Variants in RAB27A observed in about 807,000 individuals in gnomAD.
RAB27A encodes ras-related protein Rab-27A.
RAB27A carries 17 observed loss-of-function variants against 20.8 expected under a neutral mutation model. The ratio of observed to expected loss-of-function variants is 0.82; its 90% CI spans 0.56 to 1.23. The LOEUF (loss-of-function observed/expected upper bound fraction) is 1.23. Ranked by LOEUF, RAB27A falls within the 50% of genes most tolerant of loss-of-function variation. The pLI, the probability that RAB27A is intolerant of heterozygous loss-of-function variation, is 0.00. For synonymous variants in RAB27A, 85 were observed against 92.8 expected, an observed-to-expected ratio of 0.92 and a Z score of 0.48; for missense variants, 277 against 266.7, an observed-to-expected ratio of 1.04 and a Z score of -0.27.
rs954910250 is a variant in RAB27A at position 55,203,350 on chromosome 15, T to G, written c.*2157A>C. ...CTGATATGTAGCTGTAAAATTATGT[T>G]GTACTGCACTGAAGTCTTATGGCAA... On this transcript the variant is annotated 3_prime_UTR_variant, in exon 7 of 7. Transcript: ENST00000336787. The G allele has an allele frequency of 2.0e-5, 3 of 152,046 alleles. No homozygotes were observed. The highest frequency in any genetic ancestry group is 7.2e-5 in the African/African-American group (3 of 41,408). The allele number at this position is 152,046 out of a possible 1,614,324, so 9.4% of individuals were successfully genotyped here.
chr15:55,312,008 C>T (rs148910409), intron 2 of RAB27A, among the ~76,000 whole-genome samples: 4,673 of 152,266 alleles, frequency 0.031, 81 homozygotes, highest in Non-Finnish European at 0.041. Context: ...TTGGGCCATG[C>T]GGTGAGTGTT....
At chr15:55,319,105 C>G in exon 1 of RAB27A, 6 of 955,990 alleles carry the variant, frequency 6.3e-6, no homozygotes, top group Non-Finnish European at 9.0e-6. Flanking sequence ...AGGAGGCCAC[C>G]ACGTCGGGTG....
chr15:55,216,856 A>C, intron 6 of RAB27A, among the ~76,000 whole-genome samples: 1 of 152,168 alleles, frequency 6.6e-6, no homozygotes, highest in East Asian at 1.9e-4. Context: ...TCACTTTCCA[A>C]GCAATCTTCA....
chr15:55,278,000 TTG>T (rs1157738237), intron 1 of RAB27A, among the ~76,000 whole-genome samples: 4 of 152,262 alleles, frequency 2.6e-5, no homozygotes, highest in African/African-American at 9.6e-5. Flanking sequence ...GAGAAAATGT[TTG>T]TATAACTCTT....
At chr15:55,247,528 C>T (rs978781371) in intron 2 of RAB27A, among the ~76,000 whole-genome samples, 42 of 152,134 alleles carry the variant, frequency 2.8e-4, no homozygotes, top group Non-Finnish European at 1.2e-4. Flanking sequence ...AAGCTTTTGA[C>T]CAACACAGAC....
chr15:55,232,431 TAA>T (rs1266705085), intron 3 of RAB27A, among the ~76,000 whole-genome samples: 1 of 152,048 alleles, frequency 6.6e-6, no homozygotes, highest in East Asian at 1.9e-4. Flanking sequence ...GCAAAACGTA[TAA>T]GACACACAAA....
intron 1 of RAB27A, among the ~76,000 whole-genome samples, chr15:55,316,148 G>T (rs2055042299): frequency 6.6e-6 from 1 of 150,476 alleles, no homozygotes; most frequent in Non-Finnish European, 1.5e-5. Context: ...AGAACTGCTT[G>T]AACCTGGGAG....
chr15:55,283,007 C>A (rs1443584482), intron 1 of RAB27A, among the ~76,000 whole-genome samples: 1 of 152,112 alleles, frequency 6.6e-6, no homozygotes, highest in Non-Finnish European at 1.5e-5. Flanking sequence ...AAGACAACAG[C>A]GGTAGTTAGG....
chr15:55,233,906 A>G (rs1441520380), intron 3 of RAB27A, among the ~76,000 whole-genome samples: 1 of 152,192 alleles, frequency 6.6e-6, no homozygotes, highest in Non-Finnish European at 1.5e-5. Flanking sequence ...ACACGTCAAT[A>G]CTAAAAATTT....
intron 2 of RAB27A, among the ~76,000 whole-genome samples, chr15:55,300,023 C>T (rs568977277): frequency 1.3e-5 from 2 of 151,954 alleles, no homozygotes; most frequent in East Asian, 1.9e-4. Context: ...GGTTTTACCA[C>T]GTTAGCCAGG....
chr15:55,293,108 C>G (rs929407951), upstream of RAB27A, among the ~76,000 whole-genome samples: 1 of 152,150 alleles, frequency 6.6e-6, no homozygotes, highest in Admixed American at 6.5e-5. Context: ...GCTTTTCTGA[C>G]ACTGCTACTT....
chr15:55,304,363 A>T (rs1399883493), intron 2 of RAB27A, among the ~76,000 whole-genome samples: 1 of 151,032 alleles, frequency 6.6e-6, no homozygotes, highest in East Asian at 1.9e-4. Flanking sequence ...AAAACCAGAG[A>T]CCTTTGTTCA....
At chr15:55,297,889 G>A (rs1041687188) in intron 2 of RAB27A, among the ~76,000 whole-genome samples, 1 of 152,038 alleles carries the variant, frequency 6.6e-6, no homozygotes, top group Admixed American at 6.6e-5. Context: ...CTACAACACA[G>A]CAGGCCAGCA....
At chr15:55,253,473 C>T (rs1385911659) in intron 2 of RAB27A, among the ~76,000 whole-genome samples, 1 of 151,992 alleles carries the variant, frequency 6.6e-6, no homozygotes, top group Non-Finnish European at 1.5e-5. Context: ...GAAAGGCTCC[C>T]TAAGTATTCC....
chr15:55,225,063 G>T (rs1895742094), intron 5 of RAB27A, among the ~76,000 whole-genome samples: 1 of 152,196 alleles, frequency 6.6e-6, no homozygotes. Context: ...TTCATGAAAA[G>T]CCATGCCCTT....
chr15:55,314,926 T>C (rs1199867442), intron 1 of RAB27A, among the ~76,000 whole-genome samples: 2 of 152,114 alleles, frequency 1.3e-5, no homozygotes, highest in African/African-American at 4.8e-5. Context: ...AAATTTCATG[T>C]AGAACCAAAA....
chr15:55,300,798 T>C (rs2054968665), intron 2 of RAB27A, among the ~76,000 whole-genome samples: 1 of 152,188 alleles, frequency 6.6e-6, no homozygotes, highest in Admixed American at 6.5e-5. Flanking sequence ...TGTCAGTCTC[T>C]ACAATGGAAA....
intron 6 of RAB27A, among the ~76,000 whole-genome samples, chr15:55,214,451 A>G (rs28493279): frequency 0.098 from 14,892 of 152,154 alleles, 786 homozygotes; most frequent in South Asian, 0.16. Context: ...AACAACAACA[A>G]CAACAAAAAC....
At chr15:55,317,134 TAA>T (rs1180159293) in intron 1 of RAB27A, 1 of 152,196 alleles carries the variant, frequency 6.6e-6, no homozygotes, top group Non-Finnish European at 1.5e-5. Flanking sequence ...TCTGTCCTGG[TAA>T]AAAGACATAA....
Sources: gnomAD v4.1 joint callset for allele counts (sites outside exome capture counted in the v4.1 genomes callset) on GRCh38, gnomAD v4.1.1 for gene constraint, MANE v1.5 for transcripts, NCBI Gene and HGNC (gene_info 2026-07-23, HGNC 2026-07-21) for gene names.